Variants in INTS9 observed in about 807,000 individuals in gnomAD.
INTS9 encodes integrator complex subunit 9.
Under a neutral mutation model 79.7 loss-of-function variants are expected in INTS9, and 55 were observed. The observed-to-expected ratio is 0.69, with a 90% confidence interval of 0.56 to 0.86. INTS9 has a LOEUF of 0.86. Ranked by LOEUF, INTS9 falls within the 40% of genes least tolerant of loss-of-function variation. INTS9 has a pLI of 0.00. For missense variants in INTS9, 721 were observed against 831.5 expected, an observed-to-expected ratio of 0.87 and a Z score of 1.64; for synonymous variants, 319 against 325.2, an observed-to-expected ratio of 0.98 and a Z score of 0.20.
At chr8:28,843,256 A>C (rs1372954473) in intron 4 of INTS9, among the ~76,000 whole-genome samples, 1 of 152,176 alleles carries the variant, frequency 6.6e-6, no homozygotes, top group Non-Finnish European at 1.5e-5. Context: ...GATAAAAAAA[A>C]CCCGAGTGCA....
chr8:28,825,168 T>G (rs1466922181), intron 6 of INTS9, among the ~76,000 whole-genome samples: 1 of 152,202 alleles, frequency 6.6e-6, no homozygotes, highest in Non-Finnish European at 1.5e-5. Flanking sequence ...TTGAACCTCC[T>G]GGGGCTGCCC....
chr8:28,855,288 G>GAT (rs1808084104), intron 2 of INTS9, among the ~76,000 whole-genome samples: 1 of 152,264 alleles, frequency 6.6e-6, no homozygotes, highest in African/African-American at 2.4e-5. Flanking sequence ...GAAGGTACTG[G>GAT]AGGGGCAGGC....
At chr8:28,807,661 GAT>G (rs1379358050) in intron 8 of INTS9, among the ~76,000 whole-genome samples, 32 of 152,324 alleles carry the variant, frequency 2.1e-4, no homozygotes, top group African/African-American at 7.5e-4. Context: ...AAAAGCATTT[GAT>G]AAGGTATAAC....
In INTS9 at chr8:28,768,187, G is replaced by T. The variant is rs150431221; in HGVS notation, c.1936C>A (p.Arg646=). The T allele has an allele frequency of 6.2e-7, 1 of 1,613,988 alleles. No homozygotes were observed. Among genetic ancestry groups the T allele is most frequent in the Non-Finnish European group, 8.5e-7 (1 of 1,180,030 alleles). Residue 646 remains arginine (R), a synonymous_variant, in exon 17 of 17, where the codon CGA becomes AGA. Coordinates refer to ENST00000521022, the MANE Select transcript of INTS9 (RefSeq NM_018250.4). The part of the protein sequence containing the change: ...ICDNDEMLRV[R]LRDLVLKFLQ... ...AATTTGAGGACAAGGTCCCGCAGTC[G>T]CACTCTGAGCATCTCGTCATTGTCG...
At chr8:28,780,636 G>C (rs1473690115) in intron 12 of INTS9, 187 bp downstream of exon 12, 2 of 985,292 alleles carry the variant, frequency 2.0e-6, no homozygotes, top group South Asian at 4.7e-5. Flanking sequence ...TGGATGCCCA[G>C]CTGTCCAATG....
intron 14 of INTS9, among the ~76,000 whole-genome samples, chr8:28,772,056 C>G (rs1286874513): frequency 6.6e-6 from 1 of 152,092 alleles, no homozygotes; most frequent in Non-Finnish European, 1.5e-5. Context: ...ATACGGGGGT[C>G]TTGCTGTGTT....
chr8:28,846,555 G>A (rs1276687798), intron 4 of INTS9, among the ~76,000 whole-genome samples, 192 bp downstream of exon 4: 1 of 152,144 alleles, frequency 6.6e-6, no homozygotes, highest in East Asian at 1.9e-4. Context: ...AGAGAGTGAC[G>A]TAAATGATTT....
chr8:28,768,365 C>CA, intron 16 of INTS9, 43 bp from the exon 17 acceptor site: 3 of 1,572,674 alleles, frequency 1.9e-6, no homozygotes. Context: ...GCAGACTGCA[C>CA]ATCTGTGAGA....
chr8:28,881,487 A>G (rs1163244399), intron 1 of INTS9, among the ~76,000 whole-genome samples: 1 of 87,802 alleles, frequency 1.1e-5, no homozygotes, highest in Non-Finnish European at 2.2e-5. Context: ...GGGGGGGGTC[A>G]GCCCCCCGCC....
At chr8:28,821,760 T>C (rs967478387) in intron 6 of INTS9, among the ~76,000 whole-genome samples, 1 of 143,112 alleles carries the variant, frequency 7.0e-6, no homozygotes, top group South Asian at 2.3e-4. Flanking sequence ...TATCTGTGGG[T>C]TTTTTTTTTT....
intron 6 of INTS9, among the ~76,000 whole-genome samples, chr8:28,816,744 G>A (rs1269478282): frequency 6.9e-6 from 1 of 145,574 alleles, no homozygotes; most frequent in Non-Finnish European, 1.5e-5. Context: ...CTTCCACAAT[G>A]GTTGAACTAG....
chr8:28,814,298 A>T (rs1032721609), intron 6 of INTS9, among the ~76,000 whole-genome samples: 19 of 116,888 alleles, frequency 1.6e-4, no homozygotes, highest in African/African-American at 5.3e-4. Flanking sequence ...ACACACACAC[A>T]CACACACACA....
chr8:28,796,826 G>C (rs760003834), intron 8 of INTS9, 171 bp from the exon 9 acceptor site: 137 of 564,918 alleles, frequency 2.4e-4, no homozygotes, highest in Non-Finnish European at 4.1e-4. Flanking sequence ...CCTAAGTTGG[G>C]TGGGGACTGA....
intron 10 of INTS9, among the ~76,000 whole-genome samples, chr8:28,790,979 C>G (rs1044241873): frequency 6.6e-6 from 1 of 152,230 alleles, no homozygotes; most frequent in African/African-American, 2.4e-5. Flanking sequence ...TTTGTAGAAC[C>G]TATTTTGTTT....
chr8:28,881,919 C>T lies in INTS9; in HGVS notation c.9+7955G>A, dbSNP rs1385168688. On this transcript the variant is annotated intron_variant, in intron 1 of 16. Transcript: ENST00000521022. ...GCCGCCCCCACTGGGAAGTGAGGAG[C>T]CCCTCTGCCCGGCCACGACCCCGTC... 3.7e-3 allele frequency among the ~76,000 whole-genome samples: 541 copies of T among 147,076 alleles called. 1 individual carries two copies. The highest frequency in any genetic ancestry group is 0.013 in the African/African-American group (525 of 39,350).
chr8:28,876,651 T>A (rs1439838559), intron 1 of INTS9, among the ~76,000 whole-genome samples: 2 of 151,946 alleles, frequency 1.3e-5, no homozygotes, highest in Non-Finnish European at 2.9e-5. Flanking sequence ...TCTGCACGTA[T>A]AAGCCACTGC....
At chr8:28,798,033 A>G (rs538814206) in intron 8 of INTS9, 1 of 152,346 alleles carries the variant, frequency 6.6e-6, no homozygotes, top group East Asian at 1.9e-4. Context: ...TATAACCTGA[A>G]AAACATTTAA....
intron 8 of INTS9, chr8:28,798,763 T>A (rs547288171): frequency 6.6e-6 from 1 of 152,312 alleles, no homozygotes; most frequent in East Asian, 1.9e-4. Flanking sequence ...TCTCCCAAAG[T>A]GCTGGGATTA....
rs545113709 is a variant in INTS9 at position 28,834,662 on chromosome 8, G to A, written c.488+630C>T. Among the ~76,000 whole-genome samples the A allele has an allele frequency of 7.3e-5, 11 of 150,202 alleles. No homozygotes were observed. The South Asian group carries it at 2.3e-3, about 32-fold the overall frequency. On this transcript the variant is annotated intron_variant, in intron 6 of 16. Transcript: ENST00000521022. ...TCAGTTTCTGAGTGCCTACAGCACTGGGGGCAAACATCTGTTTTTTTTTTT... is the reference window on the plus strand; with the variant it reads ...TCAGTTTCTGAGTGCCTACAGCACTAGGGGCAAACATCTGTTTTTTTTTTT...
Sources: allele counts gnomAD v4.1 joint callset (sites outside exome capture counted in the v4.1 genomes callset), GRCh38; gene constraint gnomAD v4.1.1; transcripts MANE v1.5; gene names NCBI Gene and HGNC (gene_info 2026-07-23, HGNC 2026-07-21).